The following CSMD1 variants were observed in gnomAD, a reference collection of about 807,000 sequenced individuals.
CSMD1 encodes CUB and Sushi multiple domains 1, also known as CUB and sushi domain-containing protein 1.
CSMD1 carries 213 observed loss-of-function variants against 417.5 expected under a neutral mutation model. The observed-to-expected ratio is 0.51, with a 90% confidence interval of 0.46 to 0.57. CSMD1 has a LOEUF of 0.57. Among genes scored for constraint, CSMD1 ranks in the 20% least tolerant of loss-of-function variants. The probability of loss-of-function intolerance (pLI) is 0.00; values close to 1 mark genes in which losing one functional copy is unlikely to be tolerated. For missense variants in CSMD1, 6,923 were observed against 4,529.7 expected (o/e 1.53, Z -15.17); for synonymous variants, 2,862 against 1,736.8 (o/e 1.65, Z -16.11).
chr8:4,385,040 C>T (rs1429072550), intron 3 of CSMD1, among the ~76,000 whole-genome samples: 3 of 152,138 alleles, frequency 2.0e-5, no homozygotes, highest in Non-Finnish European at 4.4e-5. Flanking sequence ...GATTCTCCTG[C>T]CTCAGCCTCC....
chr8:3,187,761 G>C (rs1455393814), intron 36 of CSMD1, 108 bp downstream of exon 36: 1 of 779,254 alleles, frequency 1.3e-6, no homozygotes, highest in African/African-American at 1.7e-5. Context: ...GGAGATAGAA[G>C]AATTGTGTAG....
intron 3 of CSMD1, among the ~76,000 whole-genome samples, chr8:4,181,641 G>A (rs1006096103): frequency 6.6e-6 from 1 of 152,086 alleles, no homozygotes; most frequent in African/African-American, 2.4e-5. Context: ...TCCATTGCCT[G>A]TAAGAAAAGT....
chr8:4,041,175 C>A (rs1473586663), intron 3 of CSMD1, among the ~76,000 whole-genome samples: 9 of 151,780 alleles, frequency 5.9e-5, no homozygotes, highest in African/African-American at 2.2e-4. Flanking sequence ...CGCCACCACG[C>A]CCGGCTAATT....
intron 1 of CSMD1, among the ~76,000 whole-genome samples, chr8:4,765,235 A>G (rs886743045): frequency 6.6e-6 from 1 of 152,188 alleles, no homozygotes; most frequent in African/African-American, 2.4e-5. Context: ...CCTAGGCTGA[A>G]TCTTACAATA....
At chr8:3,728,392 G>A (rs1246828517) in intron 6 of CSMD1, among the ~76,000 whole-genome samples, 1 of 152,220 alleles carries the variant, frequency 6.6e-6, no homozygotes, top group African/African-American at 2.4e-5. Flanking sequence ...TATTGGGTAT[G>A]TCTTTATCAG....
At chr8:4,692,490 G>A (rs1295245232) in intron 1 of CSMD1, among the ~76,000 whole-genome samples, 2 of 152,066 alleles carry the variant, frequency 1.3e-5, no homozygotes, top group East Asian at 1.9e-4. Context: ...TGAAGGGGTT[G>A]ATAAAAAGAA....
At chr8:3,904,380 T>C (rs1807966623) in intron 5 of CSMD1, among the ~76,000 whole-genome samples, 1 of 152,128 alleles carries the variant, frequency 6.6e-6, no homozygotes, top group Non-Finnish European at 1.5e-5. Flanking sequence ...TTTATTGCAA[T>C]GGAAACCTCT....
At chr8:4,412,627 T>C (rs1484310615) in intron 3 of CSMD1, among the ~76,000 whole-genome samples, 1 of 152,220 alleles carries the variant, frequency 6.6e-6, no homozygotes, top group Non-Finnish European at 1.5e-5. Context: ...CAATGGTCTA[T>C]TCCAACGGAA....
intron 1 of CSMD1, among the ~76,000 whole-genome samples, chr8:4,836,746 C>A (rs1800517816): frequency 6.6e-6 from 1 of 151,912 alleles, no homozygotes; most frequent in Non-Finnish European, 1.5e-5. Context: ...CCCCAGATAT[C>A]AAAGTACATG....
chr8:4,133,737 T>C (rs71523607), intron 3 of CSMD1, among the ~76,000 whole-genome samples: 4 of 143,332 alleles, frequency 2.8e-5, no homozygotes, highest in South Asian at 2.1e-4. Flanking sequence ...ATGGTTATGG[T>C]TTTTTTTATT....
At chr8:4,713,562 T>C (rs990984813) in intron 1 of CSMD1, among the ~76,000 whole-genome samples, 1 of 152,086 alleles carries the variant, frequency 6.6e-6, no homozygotes, top group South Asian at 2.1e-4. Flanking sequence ...CCACCACGCC[T>C]AGTTAATTTT....
chr8:3,537,700 T>C lies in CSMD1; in HGVS notation c.1344+37245A>G, dbSNP rs540300619. ...TTACAATACTTTGTATTTGCAAAAA[T>C]CATATATCACTTCATACATTATCAA... is the stretch of plus-strand genomic sequence containing the variant. On this transcript the variant is annotated intron_variant, in intron 10 of 69. Coordinates refer to ENST00000635120, the MANE Select transcript of CSMD1 (RefSeq NM_033225.6). Among the ~76,000 whole-genome samples, 15 of 152,316 alleles carry C rather than the reference T, an allele frequency of 9.8e-5. No homozygotes were observed. In the South Asian group the frequency reaches 2.7e-3, roughly 27 times the overall value.
chr8:3,913,592 G>T (rs1432681437), intron 5 of CSMD1, among the ~76,000 whole-genome samples: 1 of 152,152 alleles, frequency 6.6e-6, no homozygotes, highest in Non-Finnish European at 1.5e-5. Context: ...CAGTGCATTT[G>T]CCCACAGATC....
chr8:3,103,670 C>A (rs1815917725), intron 46 of CSMD1, among the ~76,000 whole-genome samples: 1 of 151,818 alleles, frequency 6.6e-6, no homozygotes, highest in Non-Finnish European at 1.5e-5. Context: ...CTGCTCTTGG[C>A]TTGTCATGAA....
rs560172348 is a variant in CSMD1 at position 3,249,947 on chromosome 8, T to A, written c.4154-19716A>T. 7.9e-5 allele frequency among the ~76,000 whole-genome samples: 12 copies of A among 152,232 alleles called. No individual in the cohort carries two copies. The East Asian group carries it at 2.3e-3, about 29-fold the overall frequency. ...AAATAAATGTCAAGGACAAAATTATTATATTTTGCATGTCAGGTTAAAAAC... is the reference window on the plus strand; with the variant it reads ...AAATAAATGTCAAGGACAAAATTATAATATTTTGCATGTCAGGTTAAAAAC... On this transcript the variant is annotated intron_variant, in intron 26 of 69. Transcript: ENST00000635120.
chr8:3,121,602 C>G (rs1255660110), intron 41 of CSMD1, among the ~76,000 whole-genome samples: 1 of 152,142 alleles, frequency 6.6e-6, no homozygotes, highest in African/African-American at 2.4e-5. Flanking sequence ...TGGGGGCTCC[C>G]TAAGAGCTCC....
chr8:3,756,487 C>A (rs1371755508), intron 5 of CSMD1, among the ~76,000 whole-genome samples: 1 of 152,044 alleles, frequency 6.6e-6, no homozygotes, highest in South Asian at 2.1e-4. Context: ...TAGATATACA[C>A]TGAAATTAAG....
At chr8:4,003,981 G>A (rs1219570966) in intron 4 of CSMD1, among the ~76,000 whole-genome samples, 4 of 151,988 alleles carry the variant, frequency 2.6e-5, no homozygotes, top group Non-Finnish European at 4.4e-5. Flanking sequence ...AACATTCAGA[G>A]ACTCAGAAAA....
rs149078149 is a variant in CSMD1, at chr8:2,991,752, T to A, written c.8377+6259A>T. On this transcript the variant is annotated intron_variant, in intron 54 of 69. Transcript: ENST00000635120. ...AGAAAAGAGTATTCCTGTGTTTAAATACATAAATAGCATTTGGTCTATGGC... is the reference window on the plus strand; with the variant it reads ...AGAAAAGAGTATTCCTGTGTTTAAAAACATAAATAGCATTTGGTCTATGGC... 9.5e-3 allele frequency among the ~76,000 whole-genome samples: 1,448 copies of A among 152,344 alleles called. 11 individuals carry two copies. The highest frequency in any genetic ancestry group is 0.037 in the Middle Eastern group (11 of 294).
Sources: gnomAD v4.1 joint callset for allele counts (sites outside exome capture counted in the v4.1 genomes callset) on GRCh38, gnomAD v4.1.1 for gene constraint, MANE v1.5 for transcripts, NCBI Gene and HGNC (gene_info 2026-07-23, HGNC 2026-07-21) for gene names.